LRRC3: variants seen among roughly 807,000 people sequenced by gnomAD.
The protein encoded by LRRC3 is leucine rich repeat containing 3.
For synonymous variants in LRRC3, 172 were observed against 164.1 expected (o/e 1.05, Z -0.37); for missense variants, 351 against 361.6 (o/e 0.97, Z 0.24).
In LRRC3 at chr21:44,457,209, C is replaced by T; in HGVS notation, c.565C>T (p.Leu189=). The T allele has an allele frequency of 6.2e-7, 1 of 1,614,028 alleles. No homozygotes were observed. Among genetic ancestry groups the T allele is most frequent in the Admixed American group, 1.7e-5 (1 of 60,034 alleles). Residue 189 remains leucine (L), a synonymous_variant, in exon 2 of 2, where the codon CTG becomes TTG. Coordinates refer to ENST00000291592, the MANE Select transcript of LRRC3 (RefSeq NM_030891.6). The part of the protein sequence containing the change: ...EFVGKPLVQA[L]DAGASLCSVP... ...TGTGGGGAAGCCTCTGGTTCAGGCT[C>T]TGGATGCGGGTGCCAGCCTCTGCAG... is the stretch of plus-strand genomic sequence containing the variant.
rs2051748541 is a variant in LRRC3 at position 44,461,828 on chromosome 21, T to A, written c.*4410T>A. ...GCTTCTAAGGAACTCTGAGCAGGTG[T>A]GGTCCATGGCTGGGAGGCAGCTGGC... On this transcript the variant is annotated 3_prime_UTR_variant, in exon 2 of 2. Transcript: ENST00000291592. 6.6e-6 allele frequency: 1 copy of A among 152,426 alleles called. No homozygotes were observed. The highest frequency in any genetic ancestry group is 6.5e-5 in the Admixed American group (1 of 15,290). 9.4% of individuals were successfully genotyped at this position (152,426 alleles called of 1,614,324 possible).
chr21:44,461,527 A>G lies in LRRC3; in HGVS notation c.*4109A>G, dbSNP rs969572093. 2.0e-5 allele frequency: 3 copies of G among 152,254 alleles called. No individual in the cohort carries two copies. The highest frequency in any genetic ancestry group is 4.8e-5 in the African/African-American group (2 of 41,444). 9.4% of individuals were successfully genotyped at this position (152,254 alleles called of 1,614,324 possible). A position where few individuals can be genotyped will look rare whatever the true frequency, so the allele number is the denominator to read the frequency against. ...ATATGAGGTTGGGCTAAACCTGGAC[A>G]TGTGTTTCATAACCAAAGCAGCCAG... On this transcript the variant is annotated 3_prime_UTR_variant, in exon 2 of 2. Transcript: ENST00000291592.
In LRRC3 at chr21:44,456,483, C is replaced by T. The variant is rs1245285515; in HGVS notation, c.-147-15C>T. ...CTCCCTCCCTCTCCGCTCCCTCCTG[C>T]GTCTTCCCTTTCAGAGCTGCCAGAG... On this transcript the variant is annotated splice_polypyrimidine_tract_variant and intron_variant, in intron 1 of 1. Transcript: ENST00000291592. 5 of 756,500 alleles carry T rather than the reference C, an allele frequency of 6.6e-6. No homozygotes were observed. Among genetic ancestry groups the T allele is most frequent in the Middle Eastern group, 2.6e-4 (1 of 3,774 alleles). The allele number at this position is 756,500 out of a possible 1,614,324, so 46.9% of individuals were successfully genotyped here. A position where few individuals can be genotyped will look rare whatever the true frequency, so the allele number is the denominator to read the frequency against.
chr21:44,456,832 C>T lies in LRRC3; in HGVS notation c.188C>T (p.Pro63Leu), dbSNP rs776872444. The change falls in exon 2 of 2, where the codon CCG becomes CTG. Residue 63 changes from proline (P) to leucine (L), a missense_variant. By Grantham distance (98) the Pro-to-Leu change is moderately conservative. Coordinates refer to ENST00000291592, the MANE Select transcript of LRRC3 (RefSeq NM_030891.6). Reference protein sequence around the residue: ...RGLQEVPEDIPANTVLLKLDA... With the variant: ...RGLQEVPEDILANTVLLKLDA... ...CTTCAGGAGGTCCCCGAGGACATCCCGGCCAACACCGTGCTCCTGAAGCTC... is the reference window on the plus strand; with the variant it reads ...CTTCAGGAGGTCCCCGAGGACATCCTGGCCAACACCGTGCTCCTGAAGCTC... 2.2e-5 allele frequency: 35 copies of T among 1,611,344 alleles called. No homozygotes were observed. Among genetic ancestry groups the T allele is most frequent in the Middle Eastern group, 1.6e-4 (1 of 6,076 alleles).
At position 44,460,377 on chromosome 21, in the gene LRRC3, T is replaced by C. The variant is rs2051736156; in HGVS notation, c.*2959T>C. On this transcript the variant is annotated 3_prime_UTR_variant, in exon 2 of 2. Coordinates refer to ENST00000291592, the MANE Select transcript of LRRC3 (RefSeq NM_030891.6). ...TGTGCACCCTGGGACCTGCTGCCCG[T>C]TGGGATGCCCAGGCCAAATCAGCCC... 6.6e-6 allele frequency: 1 copy of C among 152,568 alleles called. No homozygotes were observed. Among genetic ancestry groups the C allele is most frequent in the African/African-American group, 2.4e-5 (1 of 41,452 alleles). The allele number at this position is 152,568 out of a possible 1,614,324, so 9.5% of individuals were successfully genotyped here. A position where few individuals can be genotyped will look rare whatever the true frequency, so the allele number is the denominator to read the frequency against.
chr21:44,456,603 C>G lies in LRRC3; in HGVS notation c.-42C>G, dbSNP rs1417629970. On this transcript the variant is annotated 5_prime_UTR_variant, in exon 2 of 2. Coordinates refer to ENST00000291592, the MANE Select transcript of LRRC3 (RefSeq NM_030891.6). ...CGGAAACCAGCTCCATCCCCAGGCC[C>G]TAGCAGAGGCTCGCGTGTCCCCGTC... 1 of 1,538,872 alleles carries G rather than the reference C, an allele frequency of 6.5e-7. No individual in the cohort carries two copies. Among genetic ancestry groups the G allele is most frequent in the South Asian group, 1.2e-5 (1 of 81,480 alleles).
In LRRC3 at chr21:44,459,295, A is replaced by C. The variant is rs2051728083; in HGVS notation, c.*1877A>C. ...GTGTCCAGCTCCACTGTTTGGAGGAAGTGGGCGCTGACACAGCAGAGTGCC... is the reference window on the plus strand; with the variant it reads ...GTGTCCAGCTCCACTGTTTGGAGGACGTGGGCGCTGACACAGCAGAGTGCC... On this transcript the variant is annotated 3_prime_UTR_variant, in exon 2 of 2. Coordinates refer to ENST00000291592, the MANE Select transcript of LRRC3 (RefSeq NM_030891.6). 1 of 152,314 alleles carries C rather than the reference A, an allele frequency of 6.6e-6. No homozygotes were observed. Among genetic ancestry groups the C allele is most frequent in the Non-Finnish European group, 1.5e-5 (1 of 68,106 alleles). 9.4% of individuals were successfully genotyped at this position (152,314 alleles called of 1,614,324 possible).
chr21:44,457,730 A>C lies in LRRC3; in HGVS notation c.*312A>C. 1 of 396,070 alleles carries C rather than the reference A, an allele frequency of 2.5e-6. No individual in the cohort carries two copies. The highest frequency in any genetic ancestry group is 2.1e-5 in the African/African-American group (1 of 48,294). 24.5% of individuals were successfully genotyped at this position (396,070 alleles called of 1,614,324 possible). ...CTTCCACCATGCCAGCCTCTCCCAC[A>C]CGGGGCCCTGCAGGCTGTGGATATG... On this transcript the variant is annotated 3_prime_UTR_variant, in exon 2 of 2. Transcript: ENST00000291592.
rs768643436 is a variant in LRRC3 at position 44,456,653 on chromosome 21, C to T, written c.9C>T (p.Thr3=). Residue 3 remains threonine, a synonymous_variant, in exon 2 of 2, where the codon ACC becomes ACT. Transcript: ENST00000291592. The part of the protein sequence containing the change: MG[T]VRPPRPSLLL... ...CCCCAGGTCAGGTCAGGATGGGCAC[C>T]GTGCGCCCACCTCGCCCCTCGCTCC... The T allele has an allele frequency of 1.1e-5, 17 of 1,593,598 alleles. No individual in the cohort carries two copies. Among genetic ancestry groups the T allele is most frequent in the South Asian group, 2.2e-5 (2 of 89,070 alleles).
rs1269176572 is a variant in LRRC3 at position 44,456,496 on chromosome 21, A to C, written c.-147-2A>C. The stretch of plus-strand genomic sequence containing the variant: ...CGCTCCCTCCTGCGTCTTCCCTTTC[A>C]GAGCTGCCAGAGTGGACTGCACTGC... On this transcript the variant is annotated splice_acceptor_variant, in intron 1 of 1. Transcript: ENST00000291592. LOFTEE classifies it low-confidence loss of function (5UTR_SPLICE). 8.4e-6 allele frequency: 7 copies of C among 833,308 alleles called. No homozygotes were observed. The highest frequency in any genetic ancestry group is 7.5e-6 in the Non-Finnish European group (4 of 536,754). The allele number at this position is 833,308 out of a possible 1,614,324, so 51.6% of individuals were successfully genotyped here.
At position 44,457,527 on chromosome 21, in the gene LRRC3, C is replaced by T; in HGVS notation, c.*109C>T. 1 of 1,275,110 alleles carries T rather than the reference C, an allele frequency of 7.8e-7. No individual in the cohort carries two copies. Among genetic ancestry groups the T allele is most frequent in the Admixed American group, 2.7e-5 (1 of 36,652 alleles). The allele number at this position is 1,275,110 out of a possible 1,614,324, so 79.0% of individuals were successfully genotyped here. ...GGCAGGTGTCACAGCCATGTGTGCTCCCCACTGTTGCACTCAGGCACAGCA... is the reference window on the plus strand; with the variant it reads ...GGCAGGTGTCACAGCCATGTGTGCTTCCCACTGTTGCACTCAGGCACAGCA... On this transcript the variant is annotated 3_prime_UTR_variant, in exon 2 of 2. Transcript: ENST00000291592.
intron 1 of LRRC3, 73 bp from the exon 2 acceptor site, chr21:44,456,425 C>G (rs112589449): frequency 1.7e-6 from 1 of 577,964 alleles, no homozygotes; most frequent in Non-Finnish European, 3.1e-6. Flanking sequence ...GGACGCGTTT[C>G]CCAGGTGACC....
rs141803969 is a variant in LRRC3, at chr21:44,458,230, C to T, written c.*812C>T. On this transcript the variant is annotated 3_prime_UTR_variant, in exon 2 of 2. Transcript: ENST00000291592. The stretch of plus-strand genomic sequence containing the variant: ...GCGGGAGGCCCTGCCCCAGGGCGAT[C>T]TCAGCTCACTGCAACCTTTGCCTCC... 1,867 of 155,968 alleles carry T rather than the reference C, an allele frequency of 0.012. 25 individuals carry two copies. Among genetic ancestry groups the T allele is most frequent in the Non-Finnish European group, 0.021 (1,402 of 68,100 alleles). 9.7% of individuals were successfully genotyped at this position (155,968 alleles called of 1,614,324 possible). A position where few individuals can be genotyped will look rare whatever the true frequency, so the allele number is the denominator to read the frequency against.
rs2051727562 is a variant in LRRC3 at position 44,459,236 on chromosome 21, C to T, written c.*1818C>T. On this transcript the variant is annotated 3_prime_UTR_variant, in exon 2 of 2. Transcript: ENST00000291592. ...CCGTGCTGGTGTGGGGCCACGTGGT[C>T]CTTGTGGTCCAGGCAGGGCCAGCAT... 6.6e-6 allele frequency: 1 copy of T among 152,360 alleles called. No individual in the cohort carries two copies. Among genetic ancestry groups the T allele is most frequent in the Non-Finnish European group, 1.5e-5 (1 of 68,120 alleles). 9.4% of individuals were successfully genotyped at this position (152,360 alleles called of 1,614,324 possible).
chr21:44,457,046 C>T lies in LRRC3; in HGVS notation c.402C>T (p.Gly134=), dbSNP rs755443590. 3.1e-6 allele frequency: 5 copies of T among 1,606,310 alleles called. No homozygotes were observed. The highest frequency in any genetic ancestry group is 4.2e-6 in the Non-Finnish European group (5 of 1,179,130). ...AGAGGATCCCCAAGGACGCCCTGGG[C>T]AAACTCAGCGCCAAGATACGCCTGT... The part of the protein sequence containing the change: ...RIQRIPKDAL[G]KLSAKIRLSH... Residue 134 remains glycine (G), a synonymous_variant, in exon 2 of 2, where the codon GGC becomes GGT. Coordinates refer to ENST00000291592, the MANE Select transcript of LRRC3 (RefSeq NM_030891.6).
rs1215386347 is a variant in LRRC3, at chr21:44,457,241, C to T, written c.597C>T (p.Pro199=). 6.2e-7 allele frequency: 1 copy of T among 1,613,950 alleles called. No individual in the cohort carries two copies. Among genetic ancestry groups the T allele is most frequent in the Admixed American group, 1.7e-5 (1 of 60,032 alleles). The part of the protein sequence containing the change: ...LDAGASLCSV[P]HRTTDVAMLV... The stretch of plus-strand genomic sequence containing the variant: ...CGGGTGCCAGCCTCTGCAGCGTCCC[C>T]CACAGGACCACAGACGTGGCCATGC... Residue 199 remains proline (P), a synonymous_variant, in exon 2 of 2, where the codon CCC becomes CCT. Transcript: ENST00000291592.
intron 1 of LRRC3, among the ~76,000 whole-genome samples, 185 bp downstream of exon 1, chr21:44,455,840 A>C (rs1442708930): frequency 6.6e-6 from 1 of 151,044 alleles, no homozygotes; most frequent in Admixed American, 6.6e-5. Context: ...CCCGCCGTCC[A>C]CGCCCAGCGC....
rs1372995490 is a variant in LRRC3, at chr21:44,458,648, C to T, written c.*1230C>T. 6.0e-6 allele frequency: 1 copy of T among 167,062 alleles called. No individual in the cohort carries two copies. The highest frequency in any genetic ancestry group is 1.5e-5 in the Non-Finnish European group (1 of 68,126). The allele number at this position is 167,062 out of a possible 1,614,324, so 10.3% of individuals were successfully genotyped here. A position where few individuals can be genotyped will look rare whatever the true frequency, so the allele number is the denominator to read the frequency against. ...ATAATTTAGTGCTCAATTTACTAAC[C>T]TTACTTCACATTCAGGTTAGATGTT... On this transcript the variant is annotated 3_prime_UTR_variant, in exon 2 of 2. Coordinates refer to ENST00000291592, the MANE Select transcript of LRRC3 (RefSeq NM_030891.6).
chr21:44,455,874 TTC>T (rs1186138409), intron 1 of LRRC3, among the ~76,000 whole-genome samples: 1 of 151,704 alleles, frequency 6.6e-6, no homozygotes, highest in Non-Finnish European at 1.5e-5. Context: ...AGGGCTTGGC[TTC>T]TCTGTTTTCT....
Sources: allele counts gnomAD v4.1 joint callset (sites outside exome capture counted in the v4.1 genomes callset), GRCh38; gene constraint gnomAD v4.1.1; transcripts MANE v1.5; gene names NCBI Gene and HGNC (gene_info 2026-07-23, HGNC 2026-07-21).